NQO1: variants seen among roughly 807,000 people sequenced by gnomAD.
NQO1 encodes the protein NAD(P)H quinone dehydrogenase 1, also known as NAD(P)H dehydrogenase [quinone] 1.
Under a neutral mutation model 32.1 loss-of-function variants are expected in NQO1, and 30 were observed. The observed-to-expected ratio is 0.94, with a 90% CI of 0.70 to 1.27. The LOEUF (loss-of-function observed/expected upper bound fraction) is 1.27. Ranked by LOEUF, NQO1 falls within the 50% of genes most tolerant of loss-of-function variation. The pLI is 0.00. For missense variants in NQO1, 276 were observed against 331.3 expected, an observed-to-expected ratio of 0.83 and a Z score of 1.30; for synonymous variants, 109 against 119.7, an observed-to-expected ratio of 0.91 and a Z score of 0.59.
At chr16:69,713,686 G>A (rs930506921) in intron 4 of NQO1, among the ~76,000 whole-genome samples, 1 of 151,710 alleles carries the variant, frequency 6.6e-6, no homozygotes, top group African/African-American at 2.4e-5. Context: ...TCTCTGGAGC[G>A]TTTTATTTTA....
intron 1 of NQO1, among the ~76,000 whole-genome samples, chr16:69,724,343 G>C (rs1448043932): frequency 6.6e-6 from 1 of 150,824 alleles, no homozygotes; most frequent in Non-Finnish European, 1.5e-5. Context: ...GAAAACTTCA[G>C]GACCTCAGGG....
chr16:69,723,643 CA>C (rs1393350978), intron 1 of NQO1, among the ~76,000 whole-genome samples: 2 of 149,788 alleles, frequency 1.3e-5, no homozygotes, highest in Admixed American at 1.3e-4. Flanking sequence ...ACTAAAAATA[CA>C]AAAAAAAATT....
chr16:69,718,289 G>T (rs1567632925), intron 2 of NQO1, 36 bp from the exon 3 acceptor site: 8 of 1,613,358 alleles, frequency 5.0e-6, no homozygotes, highest in Non-Finnish European at 6.8e-6. Context: ...GGGCCAGAGG[G>T]GCCAAAGCTG....
chr16:69,712,315 C>T (rs938482472), intron 5 of NQO1, among the ~76,000 whole-genome samples: 30 of 151,702 alleles, frequency 2.0e-4, no homozygotes, highest in African/African-American at 6.5e-4. Flanking sequence ...TGGGCTCAAG[C>T]GATCCTTCTG....
chr16:69,723,704 A>G (rs1041936377), intron 1 of NQO1, among the ~76,000 whole-genome samples: 5 of 151,968 alleles, frequency 3.3e-5, no homozygotes, highest in Non-Finnish European at 7.4e-5. Flanking sequence ...CGGGAGGCTG[A>G]GGCAGGAGAA....
At chr16:69,719,356 A>G (rs45467396) in intron 1 of NQO1, among the ~76,000 whole-genome samples, 2,216 of 152,334 alleles carry the variant, frequency 0.015, 27 homozygotes, top group Non-Finnish European at 0.022. Context: ...GCTTCAGGCT[A>G]TAAGAGCAAA....
intron 3 of NQO1, among the ~76,000 whole-genome samples, chr16:69,717,091 AAG>A (rs1171353740): frequency 4.6e-5 from 7 of 151,126 alleles, no homozygotes; most frequent in South Asian, 2.1e-4. Flanking sequence ...AAAAAAAAAA[AAG>A]AGAGAGAGAG....
intron 4 of NQO1, among the ~76,000 whole-genome samples, 155 bp from the exon 5 acceptor site, chr16:69,713,284 T>C (rs1356653042): frequency 6.6e-6 from 1 of 152,246 alleles, no homozygotes; most frequent in African/African-American, 2.4e-5. Context: ...CTACATAATA[T>C]GACTCTGCAG....
intron 1 of NQO1, among the ~76,000 whole-genome samples, chr16:69,725,380 G>A (rs2038247510): frequency 6.6e-6 from 1 of 152,334 alleles, no homozygotes; most frequent in South Asian, 2.1e-4. Flanking sequence ...ATCTCAGAGT[G>A]AGATTATTTG....
rs1273530099 is a variant in NQO1 at position 69,718,128 on chromosome 16, A to C, written c.298T>G (p.Phe100Val). 1.9e-6 allele frequency: 3 copies of C among 1,614,022 alleles called. No individual in the cohort carries two copies. The highest frequency in any genetic ancestry group is 2.5e-6 in the Non-Finnish European group (3 of 1,179,892). ...CTTCCGATGTCCCCCCATACCTGGA[A>C]TATCACAAGGTCTGCGGCTTCCAGC... ...KKLEAADLVI[F>V]QFPLQWFGVP... is the part of the protein sequence containing the mutation. The change falls in exon 3 of 6, where the codon TTC (phenylalanine) becomes GTC (valine). Residue 100 changes from phenylalanine (F) to valine (V), a missense_variant. By Grantham distance (50) the Phe-to-Val change is conservative. Transcript: ENST00000320623.
At position 69,714,893 on chromosome 16, in the gene NQO1, A is replaced by AACAC. The variant is rs2038092381; in HGVS notation, c.417+70_417+71insGTGT. ...AAGCTCCATCTCAAACAAACAAACA[A>AACAC]ACAAACACCCCTGCATCAGGACAGA... is the stretch of plus-strand genomic sequence containing the variant. On this transcript the variant is annotated intron_variant, in intron 4 of 5. Coordinates refer to ENST00000320623, the MANE Select transcript of NQO1 (RefSeq NM_000903.3). The AACAC allele has an allele frequency of 4.9e-5, 54 of 1,093,012 alleles. No individual in the cohort carries two copies. In the South Asian group the frequency reaches 5.8e-4, roughly 12 times the overall value. 67.7% of individuals were successfully genotyped at this position (1,093,012 alleles called of 1,614,324 possible).
At chr16:69,722,016 C>T (rs1198511331) in intron 1 of NQO1, among the ~76,000 whole-genome samples, 1 of 151,900 alleles carries the variant, frequency 6.6e-6, no homozygotes, top group Admixed American at 6.6e-5. Context: ...GAAATACAAA[C>T]AACAGCGTAC....
chr16:69,716,823 C>T (rs2038119329), intron 3 of NQO1, among the ~76,000 whole-genome samples: 1 of 152,018 alleles, frequency 6.6e-6, no homozygotes, highest in African/African-American at 2.4e-5. Context: ...TGGTGGTGTG[C>T]ACTGATAGTC....
intron 3 of NQO1, among the ~76,000 whole-genome samples, chr16:69,716,301 C>G (rs2038112628): frequency 6.6e-6 from 1 of 151,818 alleles, no homozygotes; most frequent in Non-Finnish European, 1.5e-5. Flanking sequence ...TTGAGACCAG[C>G]CTGGCCAACA....
At position 69,718,441 on chromosome 16, in the gene NQO1, C is replaced by A. The variant is rs758952898; in HGVS notation, c.101G>T (p.Gly34Val). 1 of 1,614,066 alleles carries A rather than the reference C, an allele frequency of 6.2e-7. No individual in the cohort carries two copies. Among genetic ancestry groups the A allele is most frequent in the Non-Finnish European group, 8.5e-7 (1 of 1,179,990 alleles). Reference sequence around the variant, plus strand: ...GAGGTCCGACTCCACCACCTCCCATCCTTTCTTCTTCAAAGCCGCTGCAGC... The same window carrying A: ...GAGGTCCGACTCCACCACCTCCCATACTTTCTTCTTCAAAGCCGCTGCAGC... ...EAAAAALKKK[G>V]WEVVESDLYA... Residue 34 changes from glycine (G) to valine (V), a missense_variant, in exon 2 of 6, where the codon GGA becomes GTA. Transcript: ENST00000320623.
Position 69,726,423 on chromosome 16 carries a change from C to A in NQO1, c.7+10G>T. On this transcript the variant is annotated intron_variant, in intron 1 of 5. Transcript: ENST00000320623. ...CGACCGCCAAGCACCCCGCCCTTTG[C>A]AGCACTCACCGACCATGGCTCTGGT... The A allele has an allele frequency of 6.2e-7, 1 of 1,612,140 alleles. No individual in the cohort carries two copies.
intron 1 of NQO1, among the ~76,000 whole-genome samples, chr16:69,724,751 G>A (rs908350731): frequency 6.6e-6 from 1 of 152,140 alleles, no homozygotes; most frequent in Non-Finnish European, 1.5e-5. Context: ...TCAGTTTCAT[G>A]CATTCTCCTT....
At chr16:69,719,256 G>A (rs998836421) in intron 1 of NQO1, among the ~76,000 whole-genome samples, 1 of 152,158 alleles carries the variant, frequency 6.6e-6, no homozygotes, top group African/African-American at 2.4e-5. Context: ...TTTAGGGAAA[G>A]TAATGAGGCA....
Position 69,711,105 on chromosome 16 carries a change from GTT to G in NQO1, c.694_695del (p.Asn232LeufsTer14). The G allele has an allele frequency of 5.0e-6, 8 of 1,614,198 alleles. No homozygotes were observed. The highest frequency in any genetic ancestry group is 6.8e-6 in the Non-Finnish European group (8 of 1,180,026). ...YFAPSSLFDL[N>X]FQAGFLMKKE... is the part of the protein sequence containing the mutation. ...TTTTCATTAAGAATCCTGCCTGGAAGTTTAGGTCAAAGAGGCTGCTTGGAGCA... is the reference window on the plus strand; with the variant it reads ...TTTTCATTAAGAATCCTGCCTGGAAGTAGGTCAAAGAGGCTGCTTGGAGCA... On this transcript the variant is annotated frameshift_variant, in exon 6 of 6. Coordinates refer to ENST00000320623, the MANE Select transcript of NQO1 (RefSeq NM_000903.3). LOFTEE classifies it high-confidence loss of function.
Sources: allele counts gnomAD v4.1 joint callset (sites outside exome capture counted in the v4.1 genomes callset), GRCh38; gene constraint gnomAD v4.1.1; transcripts MANE v1.5; gene names NCBI Gene and HGNC (gene_info 2026-07-23, HGNC 2026-07-21).